The following DCDC1 variants were observed in gnomAD, a reference collection of about 807,000 sequenced individuals.
DCDC1 encodes the protein doublecortin domain containing 1, also known as doublecortin domain-containing protein 1.
A neutral mutation model predicts 178.3 loss-of-function variants in DCDC1; 200 were observed. The observed-to-expected ratio is 1.12, with a 90% confidence interval of 1.00 to 1.26. The LOEUF (loss-of-function observed/expected upper bound fraction) is 1.26. Among genes scored for constraint, DCDC1 ranks in the 50% most tolerant of loss-of-function variants. The pLI, the probability that DCDC1 is intolerant of heterozygous loss-of-function variation, is 0.00. For missense variants in DCDC1, 1,983 were observed against 1,749.2 expected, an observed-to-expected ratio of 1.13 and a Z score of -2.38; for synonymous variants, 690 against 604.8, an observed-to-expected ratio of 1.14 and a Z score of -2.07.
chr11:31,152,700 T>C (rs1965294557), intron 9 of DCDC1, among the ~76,000 whole-genome samples: 1 of 152,238 alleles, frequency 6.6e-6, no homozygotes, highest in Non-Finnish European at 1.5e-5. Context: ...TGTCTTGTGG[T>C]GTGCTTACAC....
At chr11:31,234,303 CT>C (rs1390036475) in intron 9 of DCDC1, among the ~76,000 whole-genome samples, 1 of 152,108 alleles carries the variant, frequency 6.6e-6, no homozygotes, top group Non-Finnish European at 1.5e-5. Flanking sequence ...TAATTCCCAC[CT>C]TTTGCAACAT....
chr11:31,110,897 C>G (rs1427451390), intron 11 of DCDC1, among the ~76,000 whole-genome samples: 2 of 152,058 alleles, frequency 1.3e-5, no homozygotes, highest in East Asian at 3.9e-4. Flanking sequence ...TGAAAGTCAT[C>G]CATTTTAAGT....
At chr11:30,884,348 T>G (rs1379325004) in intron 36 of DCDC1, among the ~76,000 whole-genome samples, 1 of 152,134 alleles carries the variant, frequency 6.6e-6, no homozygotes, top group Non-Finnish European at 1.5e-5. Context: ...TTATCATTCA[T>G]GAAGATAAAA....
At chr11:31,203,461 A>G (rs1288779386) in intron 9 of DCDC1, among the ~76,000 whole-genome samples, 4 of 152,156 alleles carry the variant, frequency 2.6e-5, no homozygotes, top group African/African-American at 4.8e-5. Flanking sequence ...AGACTGAGAC[A>G]CCTATATAAC....
At chr11:31,153,818 A>ACACACACACAC (rs61493499) in intron 9 of DCDC1, among the ~76,000 whole-genome samples, 2 of 143,492 alleles carry the variant, frequency 1.4e-5, no homozygotes, top group Middle Eastern at 3.5e-3. Context: ...ACACACACAC[A>ACACACACACAC]ATTACCATAA....
intron 20 of DCDC1, among the ~76,000 whole-genome samples, chr11:30,979,500 T>C (rs1323346288): frequency 1.3e-5 from 2 of 152,224 alleles, no homozygotes; most frequent in African/African-American, 4.8e-5. Flanking sequence ...TATGTTTTAC[T>C]TCTCATTACA....
intron 20 of DCDC1, among the ~76,000 whole-genome samples, chr11:30,959,022 AT>A (rs904151458): frequency 6.6e-6 from 1 of 152,138 alleles, no homozygotes; most frequent in African/African-American, 2.4e-5. Context: ...CTTCTCAAGG[AT>A]AAAGTCCTGG....
At chr11:31,135,767 A>G (rs1963051992) in intron 10 of DCDC1, among the ~76,000 whole-genome samples, 1 of 152,166 alleles carries the variant, frequency 6.6e-6, no homozygotes, top group South Asian at 2.1e-4. Context: ...TAAGAAGAAC[A>G]CTGAAATATA....
intron 8 of DCDC1, among the ~76,000 whole-genome samples, chr11:31,255,017 T>C (rs561270845): frequency 1.3e-3 from 197 of 152,304 alleles, no homozygotes; most frequent in African/African-American, 4.5e-3. Flanking sequence ...CTCTGGATGT[T>C]TCAAATAAAT....
intron 17 of DCDC1, among the ~76,000 whole-genome samples, chr11:31,087,547 A>G (rs1240929450): frequency 2.0e-5 from 3 of 152,048 alleles, no homozygotes; most frequent in Non-Finnish European, 4.4e-5. Flanking sequence ...TTTCATTTTC[A>G]TTCAGTTCAA....
chr11:31,334,192 C>T (rs574289360), intron 2 of DCDC1, among the ~76,000 whole-genome samples: 4 of 152,276 alleles, frequency 2.6e-5, no homozygotes, highest in African/African-American at 7.2e-5. Flanking sequence ...CTCATGCATG[C>T]GTCACATAGT....
At chr11:31,055,049 C>T (rs1955497596) in intron 20 of DCDC1, among the ~76,000 whole-genome samples, 1 of 152,138 alleles carries the variant, frequency 6.6e-6, no homozygotes, top group Non-Finnish European at 1.5e-5. Context: ...AGTAAACAGA[C>T]AACCCACAGA....
At chr11:31,038,160 T>C (rs1954203528) in intron 20 of DCDC1, among the ~76,000 whole-genome samples, 1 of 151,908 alleles carries the variant, frequency 6.6e-6, no homozygotes, top group African/African-American at 2.4e-5. Context: ...GGCACATGCA[T>C]ACATATGTAA....
Position 31,147,275 on chromosome 11 carries a change from T to G in DCDC1, c.1222-9491A>C, listed in dbSNP as rs1041351594. Among the ~76,000 whole-genome samples the G allele has an allele frequency of 8.5e-5, 13 of 152,234 alleles. No homozygotes were observed. In the East Asian group the frequency reaches 1.7e-3, roughly 20 times the overall value. ...AACAGACAGAGTCCTACTCTTAACT[T>G]TAAAGGGGGAAATTTGTGGGCTGAG... On this transcript the variant is annotated intron_variant, in intron 9 of 38. Coordinates refer to ENST00000684477, the MANE Select transcript of DCDC1 (RefSeq NM_001387274.1).
intron 20 of DCDC1, among the ~76,000 whole-genome samples, chr11:31,053,465 C>T (rs1955393445): frequency 6.6e-6 from 1 of 152,068 alleles, no homozygotes; most frequent in South Asian, 2.1e-4. Context: ...AGGAACTCTC[C>T]TTAATTCATT....
intron 9 of DCDC1, among the ~76,000 whole-genome samples, chr11:31,240,179 T>C (rs1565483609): frequency 6.6e-6 from 1 of 152,008 alleles, no homozygotes; most frequent in Non-Finnish European, 1.5e-5. Flanking sequence ...CATTTTATAA[T>C]ATCATGATAT....
chr11:31,006,425 T>G (rs554536140), intron 20 of DCDC1, among the ~76,000 whole-genome samples: 1 of 152,288 alleles, frequency 6.6e-6, no homozygotes, highest in Non-Finnish European at 1.5e-5. Flanking sequence ...TGGTGAGTCC[T>G]TATCCCCAGG....
intron 17 of DCDC1, among the ~76,000 whole-genome samples, chr11:31,089,477 A>T (rs1045384934): frequency 2.0e-5 from 3 of 152,068 alleles, no homozygotes; most frequent in Non-Finnish European, 2.9e-5. Flanking sequence ...TATAGCTCTC[A>T]ATTTTGCACA....
Position 30,916,891 on chromosome 11 carries a change from A to G in DCDC1, c.3431T>C (p.Val1144Ala), listed in dbSNP as rs1361313781. 1 of 1,605,772 alleles carries G rather than the reference A, an allele frequency of 6.2e-7. No individual in the cohort carries two copies. The highest frequency in any genetic ancestry group is 8.5e-7 in the Non-Finnish European group (1 of 1,176,944). The change falls in exon 26 of 39, where the codon GTG becomes GCG. Residue 1144 changes from valine (V) to alanine (A), a missense_variant. Transcript: ENST00000684477. ...KKTEKGLFENVEPQKKHSCSP... is the reference protein window; with the variant it reads ...KKTEKGLFENAEPQKKHSCSP... The stretch of plus-strand genomic sequence containing the variant: ...TTACCTGTGTTTCTTCTGTGGTTCC[A>G]CATTTTCAAAGAGCCCTTTTTCCGT...
Sources: gnomAD v4.1 joint callset for allele counts (sites outside exome capture counted in the v4.1 genomes callset) on GRCh38, gnomAD v4.1.1 for gene constraint, MANE v1.5 for transcripts, NCBI Gene and HGNC (gene_info 2026-07-23, HGNC 2026-07-21) for gene names.